Variants in NDUFS7 observed in about 807,000 individuals in gnomAD.
The protein encoded by NDUFS7 is NADH dehydrogenase [ubiquinone] iron-sulfur protein 7, mitochondrial.
Under a neutral mutation model 31.1 loss-of-function variants are expected in NDUFS7, and 11 were observed. That is an observed-to-expected ratio of 0.35 (90% confidence interval 0.22 to 0.59). NDUFS7 has a LOEUF of 0.59. Among genes scored for constraint, NDUFS7 ranks in the 20% least tolerant of loss-of-function variants. The pLI is 0.79. For synonymous variants in NDUFS7, 136 were observed against 127.9 expected (o/e 1.06, Z -0.43); for missense variants, 263 against 324.2 (o/e 0.81, Z 1.45).
chr19:1,390,774 G>C, intron 4 of NDUFS7, 97 bp from the exon 5 acceptor site: 5 of 1,417,914 alleles, frequency 3.5e-6, no homozygotes, highest in Non-Finnish European at 3.9e-6. Context: ...GCCGCCCCGG[G>C]ACATGAGTCG....
At chr19:1,391,199 C>CA (rs1568993977) in intron 6 of NDUFS7, 34 bp downstream of exon 6, 2 of 1,606,360 alleles carry the variant, frequency 1.2e-6, no homozygotes, top group Non-Finnish European at 8.5e-7. Flanking sequence ...CAGGGACAGA[C>CA]GTAGCGTGAG....
Position 1,393,209 on chromosome 19 carries a change from C to G in NDUFS7, c.456-33C>G. ...GAGGGAGGGTGGGCAGGCGGGTCTTCGGCACACTCCCCTCACGGTGCCTCC... is the reference window on the plus strand; with the variant it reads ...GAGGGAGGGTGGGCAGGCGGGTCTTGGGCACACTCCCCTCACGGTGCCTCC... On this transcript the variant is annotated intron_variant, in intron 6 of 7. Transcript: ENST00000233627. This position sits in a 1 kb window ranked among gnomAD's most constrained non-coding sequence, Gnocchi z 7.3. The G allele has an allele frequency of 6.5e-7, 1 of 1,534,050 alleles. No homozygotes were observed. Among genetic ancestry groups the G allele is most frequent in the South Asian group, 1.2e-5 (1 of 83,712 alleles).
intron 4 of NDUFS7, 63 bp downstream of exon 4, chr19:1,389,001 C>A: frequency 7.8e-7 from 1 of 1,287,198 alleles, no homozygotes; most frequent in Non-Finnish European, 1.1e-6. Context: ...CTCACAGGCA[C>A]ACACATACAC....
chr19:1,390,645 G>T, intron 4 of NDUFS7: 2 of 604,198 alleles, frequency 3.3e-6, no homozygotes, highest in Non-Finnish European at 5.9e-6. Context: ...GATGAGGACA[G>T]ATCTCACCCG....
At chr19:1,388,463 T>C (rs2082524422) in intron 2 of NDUFS7, 62 bp from the exon 3 acceptor site, 3 of 1,465,792 alleles carry the variant, frequency 2.0e-6, no homozygotes, top group Admixed American at 3.4e-5. Context: ...CAACAGTGAG[T>C]GCGGCTGGGG....
intron 1 of NDUFS7, among the ~76,000 whole-genome samples, chr19:1,386,302 G>A (rs2082506965): frequency 6.6e-6 from 1 of 152,184 alleles, no homozygotes; most frequent in Non-Finnish European, 1.5e-5. Context: ...TCACAGTTCT[G>A]GGGGCTGGAA....
chr19:1,384,571 A>G (rs1472056184), intron 1 of NDUFS7, among the ~76,000 whole-genome samples: 2 of 152,240 alleles, frequency 1.3e-5, no homozygotes, highest in Non-Finnish European at 2.9e-5. Flanking sequence ...GGCAGTTATT[A>G]AAAGATTGTC....
Position 1,388,897 on chromosome 19 carries a change from GT to G in NDUFS7, c.188del (p.Val63GlyfsTer20). On this transcript the variant is annotated frameshift_variant, in exon 4 of 8. Transcript: ENST00000233627. LOFTEE classifies it high-confidence loss of function. ...CAAACCCAGCAGCCGGGGCGAGTAT[GT>G]GGTGGCCAAGCTGGATGACCTCGTC... is the stretch of plus-strand genomic sequence containing the variant. ...APKPSSRGEY[V>X]VAKLDDLVNW... 1 of 1,610,412 alleles carries G rather than the reference GT, an allele frequency of 6.2e-7. No homozygotes were observed. Among genetic ancestry groups the G allele is most frequent in the Non-Finnish European group, 8.5e-7 (1 of 1,178,760 alleles).
intron 4 of NDUFS7, chr19:1,390,547 T>C (rs1470221683): frequency 6.1e-6 from 3 of 495,546 alleles, no homozygotes; most frequent in Non-Finnish European, 1.1e-5. Context: ...GCGCTACTAC[T>C]CGCCTGTAGC....
rs75966348 is a variant in NDUFS7, at chr19:1,392,590, C to T, written c.456-652C>T. 126 of 155,912 alleles carry T rather than the reference C, an allele frequency of 8.1e-4. 1 individual carries two copies. The East Asian group carries it at 0.023, about 28-fold the overall frequency. The allele number at this position is 155,912 out of a possible 1,614,324, so 9.7% of individuals were successfully genotyped here. A position where few individuals can be genotyped will look rare whatever the true frequency, so the allele number is the denominator to read the frequency against. On this transcript the variant is annotated intron_variant, in intron 6 of 7. Coordinates refer to ENST00000233627, the MANE Select transcript of NDUFS7 (RefSeq NM_024407.5). ...TGTGTCCGGCGTCTCTCACTGAGCG[C>T]GACGTCCTCAAGGTGCATCCGTGCT...
chr19:1,388,696 C>A (rs770205498), intron 3 of NDUFS7, 103 bp downstream of exon 3: 21 of 1,443,600 alleles, frequency 1.5e-5, no homozygotes, highest in African/African-American at 4.2e-5. Context: ...ATGGATGGGG[C>A]AGGGAGGGGG....
intron 1 of NDUFS7, among the ~76,000 whole-genome samples, chr19:1,384,815 T>A (rs184183642): frequency 2.5e-4 from 38 of 152,290 alleles, no homozygotes; most frequent in African/African-American, 3.9e-4. Flanking sequence ...GCTAAGAATT[T>A]TTTATTTATT....
chr19:1,394,810 C>T, intron 7 of NDUFS7: 1 of 1,173,024 alleles, frequency 8.5e-7, no homozygotes, highest in Non-Finnish European at 1.1e-6. Context: ...TCACCTGTTT[C>T]CACTCCTGCT....
In NDUFS7 at chr19:1,394,638, C is replaced by T. The variant is rs1404117858; in HGVS notation, c.545-753C>T. The stretch of plus-strand genomic sequence containing the variant: ...TCCCTCCCAGCGGACCGCGCTCCTC[C>T]CTCCCTGGGGACCTCGCTCCTCCCT... On this transcript the variant is annotated intron_variant, in intron 7 of 7. Transcript: ENST00000233627. The T allele has an allele frequency of 2.3e-5, 28 of 1,232,210 alleles. No individual in the cohort carries two copies. In the Middle Eastern group the frequency reaches 1.4e-3, roughly 62 times the overall value. The allele number at this position is 1,232,210 out of a possible 1,614,324, so 76.3% of individuals were successfully genotyped here. A position where few individuals can be genotyped will look rare whatever the true frequency, so the allele number is the denominator to read the frequency against.
rs1462806693 is a variant in NDUFS7, at chr19:1,391,035, C to A, written c.393C>A (p.Ala131=). 6.2e-7 allele frequency: 1 copy of A among 1,612,932 alleles called. No homozygotes were observed. ...CCGGCACACTCACCAACAAGATGGC[C>A]CCAGCGCTTCGCAAGGTAGGCCTCG... ...IVAGTLTNKM[A]PALRKVYDQM... Residue 131 remains alanine, a synonymous_variant, in exon 5 of 8, where the codon GCC becomes GCA. Transcript: ENST00000233627.
At chr19:1,389,197 GCA>G (rs748749289) in intron 4 of NDUFS7, 17 of 687,328 alleles carry the variant, frequency 2.5e-5, no homozygotes, top group East Asian at 1.4e-4. Flanking sequence ...AAGCACATGT[GCA>G]CACACGCTTG....
At chr19:1,392,640 C>G (rs916624309) in intron 6 of NDUFS7, 2 of 161,526 alleles carry the variant, frequency 1.2e-5, no homozygotes. Context: ...AGCCTCGTGC[C>G]TTTTCTTGGC....
intron 1 of NDUFS7, chr19:1,384,235 A>G: frequency 2.1e-6 from 1 of 475,454 alleles, no homozygotes; most frequent in Admixed American, 4.4e-5. Flanking sequence ...CGTCCCCGAG[A>G]CCAGGGCACG....
intron 6 of NDUFS7, chr19:1,392,939 G>A: frequency 4.2e-6 from 2 of 474,314 alleles, no homozygotes; most frequent in Non-Finnish European, 7.8e-6. Context: ...GCTGTCTGAA[G>A]TGGCTTTTTG....
Sources: allele counts gnomAD v4.1 joint callset (sites outside exome capture counted in the v4.1 genomes callset), GRCh38; gene constraint gnomAD v4.1.1; non-coding constraint Gnocchi (gnomAD v3.1); transcripts MANE v1.5; gene names NCBI Gene and HGNC (gene_info 2026-07-23, HGNC 2026-07-21).